TDRD5: variants seen among roughly 807,000 people sequenced by gnomAD.
The protein encoded by TDRD5 is tudor domain-containing protein 5.
In TDRD5, 41 loss-of-function variants were observed where a neutral mutation model predicts 120.6. The observed-to-expected ratio is 0.34, with a 90% CI of 0.26 to 0.44. The LOEUF is 0.44. Among genes scored for constraint, TDRD5 ranks in the 20% least tolerant of loss-of-function variants. The probability of loss-of-function intolerance (pLI) is 1.00; values close to 1 mark genes in which losing one functional copy is unlikely to be tolerated. For synonymous variants in TDRD5, 430 were observed against 433.7 expected (o/e 0.99, Z 0.11); for missense variants, 1,006 against 1,221.2 (o/e 0.82, Z 2.63).
chr1:179,644,817 A>AT (rs944454397), intron 11 of TDRD5, among the ~76,000 whole-genome samples: 2 of 151,302 alleles, frequency 1.3e-5, no homozygotes, highest in Admixed American at 6.6e-5. Flanking sequence ...TATTATAAAC[A>AT]TTTTTTTTCT....
intron 7 of TDRD5, 45 bp downstream of exon 7, chr1:179,630,965 T>C (rs779074704): frequency 1.3e-6 from 2 of 1,542,156 alleles, no homozygotes; most frequent in Admixed American, 4.1e-5. Context: ...TTTATTGTCC[T>C]TATGAGGACA....
intron 4 of TDRD5, among the ~76,000 whole-genome samples, chr1:179,610,816 T>G (rs1423199719): frequency 6.6e-6 from 1 of 152,088 alleles, no homozygotes; most frequent in Non-Finnish European, 1.5e-5. Context: ...TTTTTTTCTA[T>G]TTTTTTCCTG....
chr1:179,630,860 T>G lies in TDRD5; in HGVS notation c.1066T>G (p.Phe356Val), dbSNP rs1407631863. ...TCTTAGTGACATTCTCCATGTTGAG[T>G]TCAGGAAAGGACACCAAGACTTACT... is the stretch of plus-strand genomic sequence containing the variant. ...GALSDILHVE[F>V]RKGHQDLLVF... The change falls in exon 7 of 18, where the codon TTC (phenylalanine) becomes GTC (valine). Residue 356 changes from phenylalanine to valine, a missense_variant. Physicochemically the swap from Phe to Val is conservative, Grantham distance 50 (BLOSUM62 -1). Around this residue, in one of 3 missense-constraint regions of TDRD5, gnomAD observed 445 missense variants for 515.5 expected, o/e 0.86. Coordinates refer to ENST00000444136, the MANE Select transcript of TDRD5 (RefSeq NM_001199085.3). The G allele has an allele frequency of 6.2e-7, 1 of 1,614,068 alleles. No individual in the cohort carries two copies.
At chr1:179,595,277 A>G (rs548576540) in intron 3 of TDRD5, among the ~76,000 whole-genome samples, 6 of 152,310 alleles carry the variant, frequency 3.9e-5, no homozygotes, top group Admixed American at 1.3e-4. Context: ...TTTGAAAAGC[A>G]TAGTGCTAAG....
rs577947206 is a variant in TDRD5 at position 179,674,281 on chromosome 1, T to C, written c.2860+4877T>C. On this transcript the variant is annotated intron_variant, in intron 17 of 17. Transcript: ENST00000444136. ...GGATGCTGGATTTTGTCAAATGCTT[T>C]TTCTGCATCTATTGAGGTGATCAAG... Among the ~76,000 whole-genome samples the C allele has an allele frequency of 4.6e-5, 7 of 152,352 alleles. No homozygotes were observed. The East Asian group carries it at 1.2e-3, about 25-fold the overall frequency.
At chr1:179,610,513 T>C (rs766765266) in intron 4 of TDRD5, among the ~76,000 whole-genome samples, 69 of 152,220 alleles carry the variant, frequency 4.5e-4, no homozygotes, top group Non-Finnish European at 7.8e-4. Flanking sequence ...AGTATCAATA[T>C]ATGTTTCAAC....
At chr1:179,665,848 C>T (rs901529681) in intron 16 of TDRD5, among the ~76,000 whole-genome samples, 1 of 152,122 alleles carries the variant, frequency 6.6e-6, no homozygotes, top group African/African-American at 2.4e-5. Context: ...ACTTACCATG[C>T]AGGTTGAATA....
In TDRD5 at chr1:179,656,097, A is replaced by C. The variant is rs114691322; in HGVS notation, c.2322+1735A>C. Among the ~76,000 whole-genome samples, 336 of 152,296 alleles carry C rather than the reference A, an allele frequency of 2.2e-3. 6 individuals are homozygous for C. The highest frequency in any genetic ancestry group is 7.6e-3 in the African/African-American group (317 of 41,566). ...GTTCCAGTTGCTCCATTTTCTTGTC[A>C]GCACTTGACATTGTCAGTAATTTTG... On this transcript the variant is annotated intron_variant, in intron 14 of 17. Transcript: ENST00000444136.
intron 14 of TDRD5, among the ~76,000 whole-genome samples, chr1:179,659,092 A>G (rs1252039306): frequency 6.6e-6 from 1 of 152,128 alleles, no homozygotes; most frequent in Non-Finnish European, 1.5e-5. Flanking sequence ...TCTTTCCAGT[A>G]TAGTATGGTC....
intron 14 of TDRD5, among the ~76,000 whole-genome samples, chr1:179,655,686 A>C (rs575746113): frequency 6.6e-6 from 1 of 152,180 alleles, no homozygotes; most frequent in Non-Finnish European, 1.5e-5. Context: ...CAGGACTGTC[A>C]TGTAAGTAGA....
At position 179,648,597 on chromosome 1, in the gene TDRD5, T is replaced by TA. The variant is rs553600477; in HGVS notation, c.1801-2259dup. Reference sequence around the variant, plus strand: ...TACCCTAAAACTTAAAGTATAATAATAAAAAAAAAAAGAAACAAACCACCC... The same window carrying TA: ...TACCCTAAAACTTAAAGTATAATAATAAAAAAAAAAAAGAAACAAACCACCC... On this transcript the variant is annotated intron_variant, in intron 11 of 17. Transcript: ENST00000444136. 6.6e-3 allele frequency among the ~76,000 whole-genome samples: 591 copies of TA among 89,826 alleles called. 3 individuals are homozygous for TA. The highest frequency in any genetic ancestry group is 0.02 in the African/African-American group (451 of 22,046). The allele number at this position is 89,826 out of a possible 152,430, so 58.9% of individuals were successfully genotyped here. A position where few individuals can be genotyped will look rare whatever the true frequency, so the allele number is the denominator to read the frequency against.
intron 17 of TDRD5, among the ~76,000 whole-genome samples, chr1:179,678,537 C>T (rs970804700): frequency 6.6e-6 from 1 of 152,150 alleles, no homozygotes; most frequent in Non-Finnish European, 1.5e-5. Context: ...GTAGTCCTGC[C>T]TCCTATCCGC....
intron 9 of TDRD5, among the ~76,000 whole-genome samples, chr1:179,638,158 T>TTTGGGGGACTCTGTTGCTA (rs1553327630): frequency 1.2e-4 from 16 of 132,432 alleles, no homozygotes; most frequent in South Asian, 5.0e-4. Context: ...CATGGGAAGA[T>TTTGGGGGACTCTGTTGCTA]GTTTTCTCTT....
intron 14 of TDRD5, among the ~76,000 whole-genome samples, chr1:179,656,278 G>T (rs1187572559): frequency 6.6e-6 from 1 of 151,676 alleles, no homozygotes; most frequent in East Asian, 1.9e-4. Flanking sequence ...TTTTTGATTG[G>T]GTTGTTTTCT....
intron 17 of TDRD5, among the ~76,000 whole-genome samples, chr1:179,689,157 C>G (rs1401357782): frequency 6.6e-6 from 1 of 152,210 alleles, no homozygotes; most frequent in Non-Finnish European, 1.5e-5. Context: ...AGCTTTTCTG[C>G]TCTGGTTTCT....
chr1:179,616,645 T>C (rs149620407), intron 4 of TDRD5, among the ~76,000 whole-genome samples: 16 of 152,326 alleles, frequency 1.1e-4, no homozygotes, highest in African/African-American at 3.6e-4. Context: ...TCCACCTTTC[T>C]AGTTTTTCTT....
At chr1:179,654,935 T>C (rs969912361) in intron 14 of TDRD5, among the ~76,000 whole-genome samples, 5 of 152,202 alleles carry the variant, frequency 3.3e-5, no homozygotes, top group African/African-American at 9.7e-5. Context: ...GAAACTAGTA[T>C]TGAGAAATTA....
At chr1:179,630,716 T>C (rs748512107) in intron 6 of TDRD5, 51 bp from the exon 7 acceptor site, 2 of 1,575,870 alleles carry the variant, frequency 1.3e-6, no homozygotes, top group East Asian at 2.2e-5. Context: ...ATATATGTTA[T>C]ATATCTGTTA....
In TDRD5 at chr1:179,690,817, C is replaced by A; in HGVS notation, c.2982C>A (p.Cys994Ter). Residue 994 changes from cysteine to a stop codon, truncating the protein, a stop_gained, in exon 18 of 18, where the codon TGC becomes TGA. Coordinates refer to ENST00000444136, the MANE Select transcript of TDRD5 (RefSeq NM_001199085.3). LOFTEE classifies it high-confidence loss of function. The stretch of plus-strand genomic sequence containing the variant: ...TGTCTTTGATTTTGTCTTATGAGTG[C>A]CAGATTTCTCAGAAGCTCTACATTC... Reference protein sequence around the residue: ...DQLSLILSYECQISQKLYIPR... With the variant: ...DQLSLILSYE 1 of 1,614,198 alleles carries A rather than the reference C, an allele frequency of 6.2e-7. No individual in the cohort carries two copies. The highest frequency in any genetic ancestry group is 8.5e-7 in the Non-Finnish European group (1 of 1,180,030).
Sources: gnomAD v4.1 joint callset for allele counts (sites outside exome capture counted in the v4.1 genomes callset) on GRCh38, gnomAD v4.1.1 for gene constraint, gnomAD v4.1.1 regional missense constraint, MANE v1.5 for transcripts, NCBI Gene and HGNC (gene_info 2026-07-23, HGNC 2026-07-21) for gene names.